Variants in CFI observed in about 807,000 individuals in gnomAD.
CFI encodes the protein C3B/C4B inactivator.
CFI carries 66 observed loss-of-function variants against 78.8 expected under a neutral mutation model. That is an observed-to-expected ratio of 0.84 (90% CI 0.69 to 1.03). The LOEUF (loss-of-function observed/expected upper bound fraction) is 1.03, where lower values mean the gene tolerates loss of function less well. Ranked by LOEUF, CFI falls within the 50% of genes least tolerant of loss-of-function variation. CFI has a pLI of 0.00. For missense variants in CFI, 706 were observed against 704.5 expected, an observed-to-expected ratio of 1.00 and a Z score of -0.02; for synonymous variants, 250 against 232.6, an observed-to-expected ratio of 1.07 and a Z score of -0.68.
intron 1 of CFI, among the ~76,000 whole-genome samples, chr4:109,793,193 C>T (rs1731598058): frequency 2.0e-5 from 3 of 152,088 alleles, no homozygotes; most frequent in African/African-American, 7.2e-5. Context: ...TTATAGTAAT[C>T]TAGTTTGAAT....
chr4:109,752,111 T>A (rs562945499), intron 8 of CFI, among the ~76,000 whole-genome samples: 5 of 152,308 alleles, frequency 3.3e-5, no homozygotes, highest in Non-Finnish European at 7.4e-5. Flanking sequence ...ACATCTATTA[T>A]TTTTTCTATT....
intron 5 of CFI, 22 bp downstream of exon 5, chr4:109,760,501 T>C: frequency 6.7e-7 from 1 of 1,499,502 alleles, no homozygotes; most frequent in Non-Finnish European, 9.3e-7. Context: ...TTAGAGGATT[T>C]AGAGGCTAGA....
chr4:109,791,778 C>T (rs1731414575), intron 1 of CFI, among the ~76,000 whole-genome samples: 1 of 152,092 alleles, frequency 6.6e-6, no homozygotes, highest in East Asian at 1.9e-4. Flanking sequence ...TCTGGGTCCT[C>T]TATTCTTTTT....
At chr4:109,731,967 A>G in the CFI span, among the ~76,000 whole-genome samples, 3 of 152,200 alleles carry the variant, frequency 2.0e-5, no homozygotes, top group African/African-American at 7.2e-5. Context: ...CCAAAGTATG[A>G]AAGTTGGACT....
chr4:109,737,760 T>C (rs1230942451), downstream of CFI, among the ~76,000 whole-genome samples: 2 of 152,154 alleles, frequency 1.3e-5, no homozygotes, highest in Non-Finnish European at 2.9e-5. Context: ...TCTGGCTCTT[T>C]TGGAAATTCT....
At chr4:109,743,484 G>T (rs1408288078) in intron 11 of CFI, among the ~76,000 whole-genome samples, 2 of 152,160 alleles carry the variant, frequency 1.3e-5, no homozygotes, top group Non-Finnish European at 2.9e-5. Context: ...TTGAGAGCTG[G>T]ACTTCATCTT....
At chr4:109,782,602 A>G (rs1001397210) in intron 1 of CFI, among the ~76,000 whole-genome samples, 8 of 152,120 alleles carry the variant, frequency 5.3e-5, no homozygotes, top group African/African-American at 1.7e-4. Flanking sequence ...CATACCGCCA[A>G]AAGAAATCTA....
intron 1 of CFI, among the ~76,000 whole-genome samples, chr4:109,780,894 A>T (rs1483175175): frequency 6.6e-6 from 1 of 152,208 alleles, no homozygotes; most frequent in African/African-American, 2.4e-5. Flanking sequence ...AACTATCACA[A>T]GGACAGAAAA....
Position 109,742,497 on chromosome 4 carries a change from A to G in CFI, c.1528T>C (p.Cys510Arg). 1 of 1,607,348 alleles carries G rather than the reference A, an allele frequency of 6.2e-7. No homozygotes were observed. Among genetic ancestry groups the G allele is most frequent in the Non-Finnish European group, 8.5e-7 (1 of 1,173,826 alleles). Residue 510 changes from cysteine (C) to arginine (R), a missense_variant, in exon 12 of 13, where the codon TGT (cysteine) becomes CGT (arginine). Coordinates refer to ENST00000394634, the MANE Select transcript of CFI (RefSeq NM_000204.5). ...GNRFYEKEMECAGTYDGSIDA... is the reference protein window; with the variant it reads ...GNRFYEKEMERAGTYDGSIDA... ...TAAACCACTTGGCACTTACCTGCACATTCCATTTCTTTTTCATAGAAACGA... is the reference window on the plus strand; with the variant it reads ...TAAACCACTTGGCACTTACCTGCACGTTCCATTTCTTTTTCATAGAAACGA...
intron 1 of CFI, among the ~76,000 whole-genome samples, chr4:109,801,617 G>A (rs1017251028): frequency 2.0e-5 from 3 of 152,182 alleles, no homozygotes; most frequent in Non-Finnish European, 4.4e-5. Context: ...CACACAGGAG[G>A]AGCCTGGTAA....
In CFI at chr4:109,765,839, C is replaced by G. The variant is rs117234161; in HGVS notation, c.328+715G>C. Among the ~76,000 whole-genome samples, 1,421 of 152,204 alleles carry G rather than the reference C, an allele frequency of 9.3e-3. 65 individuals are homozygous for G. The East Asian group carries it at 0.13, about 14-fold the overall frequency. On this transcript the variant is annotated intron_variant, in intron 2 of 12. Transcript: ENST00000394634. ...TGTTGAAAGAAATTATTGGGGTAGG[C>G]CACGCATGGTGGCTCATGCCTGTAA... is the stretch of plus-strand genomic sequence containing the variant.
chr4:109,752,429 C>A lies in CFI; in HGVS notation c.940+39G>T. The stretch of plus-strand genomic sequence containing the variant: ...AATGACACTGAAATTACAGCCTAAA[C>A]CAGTGAGCCACCAATAAAAAAGTAT... On this transcript the variant is annotated intron_variant, in intron 8 of 12. Coordinates refer to ENST00000394634, the MANE Select transcript of CFI (RefSeq NM_000204.5). 2.5e-6 allele frequency: 4 copies of A among 1,601,506 alleles called. No individual in the cohort carries two copies. The South Asian group carries it at 4.4e-5, about 18-fold the overall frequency.
intron 1 of CFI, among the ~76,000 whole-genome samples, chr4:109,786,519 C>T (rs1165502915): frequency 1.3e-5 from 2 of 152,086 alleles, no homozygotes; most frequent in Non-Finnish European, 1.5e-5. Context: ...ATGCCTTATC[C>T]TCAAGTTTCT....
intron 1 of CFI, chr4:109,794,375 C>A (rs981047685): frequency 6.6e-6 from 1 of 152,158 alleles, no homozygotes; most frequent in Non-Finnish European, 1.5e-5. Flanking sequence ...ATGGACTGAT[C>A]TTCAAGTTTG....
At chr4:109,770,941 T>C (rs1424840934) in intron 1 of CFI, among the ~76,000 whole-genome samples, 1 of 152,170 alleles carries the variant, frequency 6.6e-6, no homozygotes, top group Non-Finnish European at 1.5e-5. Context: ...GATGGTTGTA[T>C]GAACATGTTA....
chr4:109,789,264 G>A (rs1473067128), intron 1 of CFI, among the ~76,000 whole-genome samples: 5 of 151,800 alleles, frequency 3.3e-5, no homozygotes, highest in African/African-American at 1.2e-4. Flanking sequence ...GACAAAATGA[G>A]GGAACAAAAA....
intron 1 of CFI, among the ~76,000 whole-genome samples, chr4:109,776,836 G>T (rs1044209302): frequency 1.1e-4 from 16 of 152,210 alleles, no homozygotes; most frequent in African/African-American, 2.9e-4. Flanking sequence ...TTAAAGAAAA[G>T]AATTTTCAAC....
At chr4:109,758,052 C>T (rs1301586628) in intron 6 of CFI, 3 of 935,702 alleles carry the variant, frequency 3.2e-6, no homozygotes, top group Non-Finnish European at 3.0e-6. Flanking sequence ...ACTAGTACAA[C>T]TTAATAGTTA....
In CFI at chr4:109,784,952, G is replaced by A. The variant is rs976089180; in HGVS notation, c.57+16963C>T. Reference sequence around the variant, plus strand: ...GATCTGTTCCTGCCCCACTCTAACCGGTCAATTGACCTTATGACAATACAC... The same window carrying A: ...GATCTGTTCCTGCCCCACTCTAACCAGTCAATTGACCTTATGACAATACAC... On this transcript the variant is annotated intron_variant, in intron 1 of 12. Coordinates refer to ENST00000394634, the MANE Select transcript of CFI (RefSeq NM_000204.5). Among the ~76,000 whole-genome samples the A allele has an allele frequency of 1.2e-4, 18 of 151,940 alleles. 1 individual carries two copies. The highest frequency in any genetic ancestry group is 3.9e-4 in the Admixed American group (6 of 15,236).
Sources: gnomAD v4.1 joint callset for allele counts (sites outside exome capture counted in the v4.1 genomes callset) on GRCh38, gnomAD v4.1.1 for gene constraint, MANE v1.5 for transcripts, NCBI Gene and HGNC (gene_info 2026-07-23, HGNC 2026-07-21) for gene names.